The following PPP1R3A variants were observed in gnomAD, a reference collection of about 807,000 sequenced individuals.
PPP1R3A encodes RG1.
Under a neutral mutation model 41.7 loss-of-function variants are expected in PPP1R3A, and 29 were observed. The observed-to-expected ratio is 0.70, with a 90% CI of 0.52 to 0.95. The LOEUF (loss-of-function observed/expected upper bound fraction) is 0.95. PPP1R3A is among the 40% of genes least tolerant of loss of function. PPP1R3A has a pLI of 0.00. For missense variants in PPP1R3A, 1,352 were observed against 1,292.4 expected (o/e 1.05, Z -0.71); for synonymous variants, 485 against 453.4 (o/e 1.07, Z -0.89).
In PPP1R3A at chr7:113,877,625, A is replaced by G; in HGVS notation, c.*98T>C. On this transcript the variant is annotated 3_prime_UTR_variant, in exon 4 of 4. Coordinates refer to ENST00000284601, the MANE Select transcript of PPP1R3A (RefSeq NM_002711.4). ...TTTTAAATGATCCTTCAAGAGAAAA[A>G]CTGCACTGGATCTTTGAACAATGAA... 1 of 1,378,396 alleles carries G rather than the reference A, an allele frequency of 7.3e-7. No homozygotes were observed. The highest frequency in any genetic ancestry group is 1.5e-5 in the South Asian group (1 of 64,780). The allele number at this position is 1,378,396 out of a possible 1,614,324, so 85.4% of individuals were successfully genotyped here. A position where few individuals can be genotyped will look rare whatever the true frequency, so the allele number is the denominator to read the frequency against.
At chr7:113,880,240 GATTTC>G (rs1445054631) in intron 3 of PPP1R3A, 115 bp from the exon 4 acceptor site, 2 of 982,798 alleles carry the variant, frequency 2.0e-6, no homozygotes, top group African/African-American at 3.3e-5. Context: ...TTCTTTGACT[GATTTC>G]ATTTGTGGAT....
chr7:113,914,738 G>A (rs552786228), intron 1 of PPP1R3A, among the ~76,000 whole-genome samples: 1 of 152,098 alleles, frequency 6.6e-6, no homozygotes, highest in African/African-American at 2.4e-5. Context: ...TTACTTCACC[G>A]AAATCTCAAC....
At position 113,877,626 on chromosome 7, in the gene PPP1R3A, C is replaced by G; in HGVS notation, c.*97G>C. 1 of 1,379,622 alleles carries G rather than the reference C, an allele frequency of 7.2e-7. No individual in the cohort carries two copies. Among genetic ancestry groups the G allele is most frequent in the Admixed American group, 2.4e-5 (1 of 41,342 alleles). The allele number at this position is 1,379,622 out of a possible 1,614,324, so 85.5% of individuals were successfully genotyped here. On this transcript the variant is annotated 3_prime_UTR_variant, in exon 4 of 4. Transcript: ENST00000284601. Reference sequence around the variant, plus strand: ...TTTAAATGATCCTTCAAGAGAAAAACTGCACTGGATCTTTGAACAATGAAT... The same window carrying G: ...TTTAAATGATCCTTCAAGAGAAAAAGTGCACTGGATCTTTGAACAATGAAT...
chr7:113,882,075 T>C lies in PPP1R3A; in HGVS notation c.930A>G (p.Glu310=). ...SNRNVKDVNR[E]HDEHNEKELE... is the part of the protein sequence containing the mutation. ...ATTCTTTTTCATTATGTTCATCATG[T>C]TCCCTGTTTACATCTTTTACATTTC... The change falls in exon 3 of 4, where the codon GAA becomes GAG. Residue 310 remains glutamate, a synonymous_variant. Transcript: ENST00000284601. 2 of 1,612,674 alleles carry C rather than the reference T, an allele frequency of 1.2e-6. No homozygotes were observed. Among genetic ancestry groups the C allele is most frequent in the Non-Finnish European group, 1.7e-6 (2 of 1,179,040 alleles).
chr7:113,911,434 A>G (rs1797247317), intron 1 of PPP1R3A, among the ~76,000 whole-genome samples: 1 of 152,128 alleles, frequency 6.6e-6, no homozygotes, highest in African/African-American at 2.4e-5. Flanking sequence ...TTGATGTTGC[A>G]TAATGTATTT....
intron 1 of PPP1R3A, among the ~76,000 whole-genome samples, chr7:113,907,529 A>T (rs1269994933): frequency 6.6e-6 from 1 of 151,760 alleles, no homozygotes; most frequent in Non-Finnish European, 1.5e-5. Flanking sequence ...CCAAAAAAAA[A>T]AATCAACATA....
chr7:113,906,105 T>C (rs1296947227), intron 1 of PPP1R3A, among the ~76,000 whole-genome samples: 1 of 151,840 alleles, frequency 6.6e-6, no homozygotes, highest in South Asian at 2.1e-4. Flanking sequence ...TAGCAGACTA[T>C]ATTATTTCTC....
intron 1 of PPP1R3A, among the ~76,000 whole-genome samples, chr7:113,904,407 G>C (rs180755808): frequency 6.6e-6 from 1 of 151,662 alleles, no homozygotes; most frequent in African/African-American, 2.4e-5. Flanking sequence ...TACCACTTAA[G>C]AAGTCATAAT....
At chr7:113,893,521 A>G (rs951162923) in intron 1 of PPP1R3A, among the ~76,000 whole-genome samples, 23 of 152,038 alleles carry the variant, frequency 1.5e-4, no homozygotes, top group African/African-American at 5.6e-4. Flanking sequence ...AAAGTAAAAC[A>G]TTACCAGTAT....
intron 1 of PPP1R3A, among the ~76,000 whole-genome samples, chr7:113,915,265 A>C (rs1797319404): frequency 6.6e-6 from 1 of 152,000 alleles, no homozygotes; most frequent in Admixed American, 6.6e-5. Context: ...GAGAAAACAT[A>C]ATGCCTGGGT....
intron 3 of PPP1R3A, among the ~76,000 whole-genome samples, chr7:113,881,132 G>A (rs1252406711): frequency 6.6e-6 from 1 of 152,044 alleles, no homozygotes; most frequent in Non-Finnish European, 1.5e-5. Flanking sequence ...CTCACAATGG[G>A]TGACAACTTT....
In PPP1R3A at chr7:113,916,015, T is replaced by C. The variant is rs185286592; in HGVS notation, c.782+2200A>G. 3.3e-3 allele frequency among the ~76,000 whole-genome samples: 502 copies of C among 152,170 alleles called. 1 individual carries two copies. Among genetic ancestry groups the C allele is most frequent in the Middle Eastern group, 6.8e-3 (2 of 294 alleles). ...ATTATGGCACATGCTGTTCTAAGGA[T>C]CTGTCAGGATTTCCTTTATACACTC... is the stretch of plus-strand genomic sequence containing the variant. On this transcript the variant is annotated intron_variant, in intron 1 of 3. Coordinates refer to ENST00000284601, the MANE Select transcript of PPP1R3A (RefSeq NM_002711.4).
At chr7:113,894,561 C>T (rs1796948020) in intron 1 of PPP1R3A, among the ~76,000 whole-genome samples, 1 of 151,954 alleles carries the variant, frequency 6.6e-6, no homozygotes, top group Non-Finnish European at 1.5e-5. Context: ...TTCCTCACAA[C>T]GTAAGTGCTG....
At position 113,879,909 on chromosome 7, in the gene PPP1R3A, A is replaced by G; in HGVS notation, c.1183T>C (p.Ser395Pro). 6.2e-7 allele frequency: 1 copy of G among 1,613,574 alleles called. No individual in the cohort carries two copies. Residue 395 changes from serine (S) to proline (P), a missense_variant, in exon 4 of 4, where the codon TCC (serine) becomes CCC (proline). Transcript: ENST00000284601. ...KGDFYCNEKY[S>P]SGDDCTHQPS... ...TGATGTGTACAGTCATCTCCTGAGGAATATTTTTCATTGCAGTAAAAATCT... is the reference window on the plus strand; with the variant it reads ...TGATGTGTACAGTCATCTCCTGAGGGATATTTTTCATTGCAGTAAAAATCT...
rs770995700 is a variant in PPP1R3A at position 113,878,148 on chromosome 7, T to C, written c.2944A>G (p.Ile982Val). The C allele has an allele frequency of 5.5e-5, 88 of 1,613,238 alleles. No homozygotes were observed. The highest frequency in any genetic ancestry group is 7.3e-5 in the Non-Finnish European group (86 of 1,179,610). ...TCTTTTCTACTACCTGATGTCACTA[T>C]TCCTGAACTTCTGGAAACTTCTTCA... is the stretch of plus-strand genomic sequence containing the variant. Reference protein sequence around the residue: ...KPEEVSRSSGIVTSGSRKERC... With the variant: ...KPEEVSRSSGVVTSGSRKERC... The change falls in exon 4 of 4, where the codon ATA becomes GTA. Residue 982 changes from isoleucine (I) to valine (V), a missense_variant. Coordinates refer to ENST00000284601, the MANE Select transcript of PPP1R3A (RefSeq NM_002711.4).
intron 1 of PPP1R3A, among the ~76,000 whole-genome samples, chr7:113,913,586 G>A (rs1262945513): frequency 6.6e-6 from 1 of 151,980 alleles, no homozygotes. Context: ...ATATCATGCA[G>A]TTTCTTTACT....
intron 1 of PPP1R3A, among the ~76,000 whole-genome samples, chr7:113,897,393 C>G (rs1421683000): frequency 6.6e-6 from 1 of 151,590 alleles, no homozygotes; most frequent in African/African-American, 2.4e-5. Flanking sequence ...ATTATGCTTA[C>G]TAACATGATT....
intron 1 of PPP1R3A, among the ~76,000 whole-genome samples, chr7:113,906,434 T>A (rs1486723863): frequency 6.6e-6 from 1 of 151,792 alleles, no homozygotes; most frequent in Non-Finnish European, 1.5e-5. Flanking sequence ...TTAGGTTTGA[T>A]ATTAAAGTTT....
chr7:113,918,599 G>C lies in PPP1R3A; in HGVS notation c.398C>G (p.Thr133Ser). Residue 133 changes from threonine to serine, a missense_variant, in exon 1 of 4, where the codon ACT becomes AGT. By Grantham distance (58) the Thr-to-Ser change is moderately conservative. Transcript: ENST00000284601. ...ACTTGTAGACCCAAGAAGAGACTCAGTTGACTCCAGTATTGCTTTCTGTAT... is the reference window on the plus strand; with the variant it reads ...ACTTGTAGACCCAAGAAGAGACTCACTTGACTCCAGTATTGCTTTCTGTAT... ...LQIQKAILES[T>S]ESLLGSTSIK... 1 of 1,613,616 alleles carries C rather than the reference G, an allele frequency of 6.2e-7. No homozygotes were observed. Among genetic ancestry groups the C allele is most frequent in the Non-Finnish European group, 8.5e-7 (1 of 1,179,748 alleles).
Sources: allele counts gnomAD v4.1 joint callset (sites outside exome capture counted in the v4.1 genomes callset), GRCh38; gene constraint gnomAD v4.1.1; transcripts MANE v1.5; gene names NCBI Gene and HGNC (gene_info 2026-07-23, HGNC 2026-07-21).